The following MYBPC1 variants were observed in gnomAD, a reference collection of about 807,000 sequenced individuals.
MYBPC1 encodes the protein myosin binding protein C1, also known as myosin-binding protein C, slow-type.
MYBPC1 carries 52 observed loss-of-function variants against 147.1 expected under a neutral mutation model. The ratio of observed to expected loss-of-function variants is 0.35; its 90% CI spans 0.28 to 0.45. MYBPC1 has a LOEUF of 0.45. Among genes scored for constraint, MYBPC1 ranks in the 20% least tolerant of loss-of-function variants. The pLI is 1.00. For missense variants in MYBPC1, 1,228 were observed against 1,440.3 expected, an observed-to-expected ratio of 0.85 and a Z score of 2.39; for synonymous variants, 477 against 475.9, an observed-to-expected ratio of 1.00 and a Z score of -0.03.
chr12:101,668,554 G>A (rs55900110), intron 23 of MYBPC1, among the ~76,000 whole-genome samples: 6,288 of 151,592 alleles, frequency 0.041, 337 homozygotes, highest in East Asian at 0.25. Context: ...TCTGCCTCCC[G>A]GGTTCAAGCA....
chr12:101,649,460 G>A (rs1243271553), intron 15 of MYBPC1, 34 bp downstream of exon 15: 1 of 1,609,120 alleles, frequency 6.2e-7, no homozygotes, highest in Non-Finnish European at 8.5e-7. Context: ...CTTCTCAGTG[G>A]GCTTATTAAT....
intron 1 of MYBPC1, 87 bp downstream of exon 1, chr12:101,595,182 T>C (rs989019588): frequency 2.8e-5 from 32 of 1,153,718 alleles, no homozygotes; most frequent in Non-Finnish European, 3.7e-5. Flanking sequence ...ACAAATATCT[T>C]AACTAGATGA....
chr12:101,680,432 A>T lies in MYBPC1; in HGVS notation c.3336A>T (p.Glu1112Asp), dbSNP rs771973182. Reference protein sequence around the residue: ...MFSNQGVCTLEIRKPSPYDGG... With the variant: ...MFSNQGVCTLDIRKPSPYDGG... The stretch of plus-strand genomic sequence containing the variant: ...GCAACCAGGGAGTCTGTACCCTGGA[A>T]ATTCGCAAGCCCAGCCCCTATGATG... The change falls in exon 29 of 32, where the codon GAA (glutamate) becomes GAT (aspartate). Residue 1112 changes from glutamate to aspartate, a missense_variant. By Grantham distance (45) the Glu-to-Asp change is conservative. Coordinates refer to ENST00000361466, the MANE Select transcript of MYBPC1 (RefSeq NM_002465.4). 6 of 1,614,012 alleles carry T rather than the reference A, an allele frequency of 3.7e-6. No individual in the cohort carries two copies. In the South Asian group the frequency reaches 6.6e-5, roughly 18 times the overall value.
At chr12:101,667,677 T>C (rs1330260178) in intron 22 of MYBPC1, 55 bp from the exon 23 acceptor site, 1 of 1,597,616 alleles carries the variant, frequency 6.3e-7, no homozygotes, top group Non-Finnish European at 8.6e-7. Context: ...GTTAAGATGA[T>C]TTTTTTCACT....
At chr12:101,644,457 T>G (rs1032256201) in intron 11 of MYBPC1, among the ~76,000 whole-genome samples, 1 of 152,232 alleles carries the variant, frequency 6.6e-6, no homozygotes, top group Non-Finnish European at 1.5e-5. Flanking sequence ...TAGAAACATG[T>G]GGATTCTCTT....
chr12:101,689,576 A>G (rs1337729491), downstream of MYBPC1, among the ~76,000 whole-genome samples: 1 of 152,250 alleles, frequency 6.6e-6, no homozygotes, highest in East Asian at 1.9e-4. Context: ...GGAAGCAAAG[A>G]AGAGAGACGG....
intron 10 of MYBPC1, 33 bp from the exon 11 acceptor site, chr12:101,642,386 C>T (rs988844428): frequency 1.2e-6 from 2 of 1,611,488 alleles, no homozygotes; most frequent in African/African-American, 1.3e-5. Context: ...GTCAGTGCAG[C>T]TACTAAACTA....
intron 23 of MYBPC1, 130 bp downstream of exon 23, chr12:101,668,029 G>A (rs1470381784): frequency 4.1e-6 from 2 of 492,858 alleles, no homozygotes; most frequent in African/African-American, 3.9e-5. Flanking sequence ...ATGCTTTAAT[G>A]CTTCCTAAGA....
Position 101,595,209 on chromosome 12 carries a change from T to G in MYBPC1, c.25+114T>G. ...ACTAGATGAGAAAATAAAATCACTA[T>G]GATTTAAGGAAACGATCTTTTAGAT... On this transcript the variant is annotated intron_variant, in intron 1 of 31. Transcript: ENST00000361466. The G allele has an allele frequency of 3.1e-6, 3 of 983,056 alleles. No homozygotes were observed. In the South Asian group the frequency reaches 4.2e-5, roughly 14 times the overall value. 60.9% of individuals were successfully genotyped at this position (983,056 alleles called of 1,614,324 possible).
At chr12:101,673,377 C>T (rs767770996) in intron 24 of MYBPC1, 50 bp from the exon 25 acceptor site, 9 of 1,577,830 alleles carry the variant, frequency 5.7e-6, no homozygotes, top group Non-Finnish European at 7.0e-6. Context: ...GAAGAAACAT[C>T]TTGAGACAAT....
chr12:101,695,550 G>A, the MYBPC1 span, among the ~76,000 whole-genome samples: 1 of 152,150 alleles, frequency 6.6e-6, no homozygotes, highest in Non-Finnish European at 1.5e-5. Context: ...GTGTTGTTTG[G>A]GAGTTTTGGA....
At chr12:101,639,592 G>C (rs1344507561) in intron 10 of MYBPC1, among the ~76,000 whole-genome samples, 6 of 152,160 alleles carry the variant, frequency 3.9e-5, no homozygotes, top group African/African-American at 1.4e-4. Flanking sequence ...GATAAGAGTG[G>C]AGAGTATCTT....
In MYBPC1 at chr12:101,628,366, A is replaced by C. The variant is rs557888060; in HGVS notation, c.178+562A>C. Among the ~76,000 whole-genome samples the C allele has an allele frequency of 5.3e-5, 8 of 152,342 alleles. No homozygotes were observed. In the South Asian group the frequency reaches 1.7e-3, roughly 32 times the overall value. On this transcript the variant is annotated intron_variant, in intron 5 of 31. Transcript: ENST00000361466. ...GCTCCTATTAATATCATAAACACAA[A>C]CAACAAAATTTTAACATTAGCTTGG...
At chr12:101,599,588 C>T (rs768839632) in intron 1 of MYBPC1, among the ~76,000 whole-genome samples, 4 of 152,040 alleles carry the variant, frequency 2.6e-5, no homozygotes, top group East Asian at 1.9e-4. Context: ...TTTCAAACAC[C>T]GAAATCAATT....
rs981811649 is a variant in MYBPC1 at position 101,629,668 on chromosome 12, T to A, written c.289+124T>A. On this transcript the variant is annotated intron_variant, in intron 6 of 31. Transcript: ENST00000361466. ...CAGGCAGATCATTTGAGCTCAGGAG[T>A]TCGAGACCAGCCTGGCCAACATGGT... 14 of 722,398 alleles carry A rather than the reference T, an allele frequency of 1.9e-5. No homozygotes were observed. In the Admixed American group the frequency reaches 2.9e-4, roughly 15 times the overall value. The allele number at this position is 722,398 out of a possible 1,614,324, so 44.7% of individuals were successfully genotyped here.
At position 101,598,245 on chromosome 12, in the gene MYBPC1, G is replaced by A. The variant is rs374807917; in HGVS notation, c.25+3150G>A. On this transcript the variant is annotated intron_variant, in intron 1 of 31. Transcript: ENST00000361466. ...ATGTTGGCCAGGCTGGTCTCGAACC[G>A]CTGACCTCAGGTGGTCCACCTGCCT... Among the ~76,000 whole-genome samples the A allele has an allele frequency of 3.9e-5, 6 of 152,076 alleles. No individual in the cohort carries two copies. The East Asian group carries it at 7.8e-4, about 20-fold the overall frequency.
Position 101,673,642 on chromosome 12 carries a change from C to A in MYBPC1, c.2809+20C>A. 6.2e-7 allele frequency: 1 copy of A among 1,613,530 alleles called. No individual in the cohort carries two copies. The highest frequency in any genetic ancestry group is 8.5e-7 in the Non-Finnish European group (1 of 1,179,564). ...TCATTGGTAGGTTTAGATGAAGGAGCCAGAAAGTTCTGTCAAAGCAGTACA... is the reference window on the plus strand; with the variant it reads ...TCATTGGTAGGTTTAGATGAAGGAGACAGAAAGTTCTGTCAAAGCAGTACA... On this transcript the variant is annotated intron_variant, in intron 25 of 31. Coordinates refer to ENST00000361466, the MANE Select transcript of MYBPC1 (RefSeq NM_002465.4).
chr12:101,630,762 G>A (rs1233754506), intron 6 of MYBPC1, among the ~76,000 whole-genome samples: 1 of 152,168 alleles, frequency 6.6e-6, no homozygotes, highest in African/African-American at 2.4e-5. Flanking sequence ...AATCACAAAT[G>A]CCAAGTGCTA....
At chr12:101,603,213 G>A (rs1443731323) in intron 1 of MYBPC1, among the ~76,000 whole-genome samples, 4 of 151,908 alleles carry the variant, frequency 2.6e-5, no homozygotes, top group African/African-American at 7.3e-5. Flanking sequence ...GCATGGTGGC[G>A]CATGCCTGTA....
Sources: allele counts gnomAD v4.1 joint callset (sites outside exome capture counted in the v4.1 genomes callset), GRCh38; gene constraint gnomAD v4.1.1; transcripts MANE v1.5; gene names NCBI Gene and HGNC (gene_info 2026-07-23, HGNC 2026-07-21).